The following GPC6 variants were observed in gnomAD, a reference collection of about 807,000 sequenced individuals.
GPC6 encodes the protein glypican 6.
GPC6 carries 14 observed loss-of-function variants against 55.2 expected under a neutral mutation model. That is an observed-to-expected ratio of 0.25 (90% CI 0.17 to 0.40). GPC6 has a LOEUF of 0.40. Among genes scored for constraint, GPC6 ranks in the 10% least tolerant of loss-of-function variants. The pLI is 1.00. For synonymous variants in GPC6, 278 were observed against 259.6 expected, an observed-to-expected ratio of 1.07 and a Z score of -0.68; for missense variants, 641 against 708.5, an observed-to-expected ratio of 0.90 and a Z score of 1.08.
intron 2 of GPC6, among the ~76,000 whole-genome samples, chr13:93,806,044 A>G (rs1886533418): frequency 6.6e-6 from 1 of 152,284 alleles, no homozygotes; most frequent in African/African-American, 2.4e-5. Flanking sequence ...TCTTTGTAGA[A>G]ACCTGTAAAG....
chr13:93,769,433 C>A (rs74108662), intron 2 of GPC6, among the ~76,000 whole-genome samples: 134 of 133,520 alleles, frequency 1.0e-3, no homozygotes, highest in Middle Eastern at 3.9e-3. Flanking sequence ...CTGCACGTGA[C>A]AAAAAAAAAA....
intron 4 of GPC6, among the ~76,000 whole-genome samples, chr13:94,151,206 T>G (rs1216672055): frequency 1.3e-5 from 2 of 151,904 alleles, no homozygotes. Flanking sequence ...TAGAATACCT[T>G]TGTGAAAATG....
chr13:94,253,587 T>C (rs1334199819), intron 4 of GPC6, among the ~76,000 whole-genome samples: 1 of 152,130 alleles, frequency 6.6e-6, no homozygotes, highest in Non-Finnish European at 1.5e-5. Flanking sequence ...GCTTCCCTGT[T>C]CCCAAGATGA....
intron 4 of GPC6, among the ~76,000 whole-genome samples, chr13:94,277,502 GC>G (rs1213801538): frequency 1.1e-4 from 17 of 152,136 alleles, no homozygotes. Flanking sequence ...TGAAGTCTTT[GC>G]CCATCCCTAT....
chr13:93,860,438 T>C (rs374467086), intron 3 of GPC6, among the ~76,000 whole-genome samples: 1 of 151,686 alleles, frequency 6.6e-6, no homozygotes, highest in African/African-American at 2.4e-5. Context: ...CATTTTCATC[T>C]TTTCTTTGAA....
chr13:93,852,108 A>G (rs1888424376), intron 3 of GPC6, among the ~76,000 whole-genome samples: 1 of 151,772 alleles, frequency 6.6e-6, no homozygotes, highest in African/African-American at 2.4e-5. Flanking sequence ...AATATTCTGT[A>G]TTATAAACAT....
chr13:93,435,701 T>C (rs1189647793), intron 1 of GPC6, among the ~76,000 whole-genome samples: 1 of 152,128 alleles, frequency 6.6e-6, no homozygotes, highest in Admixed American at 6.5e-5. Flanking sequence ...AGAGTCTTCT[T>C]AGTTCCAACT....
intron 2 of GPC6, among the ~76,000 whole-genome samples, chr13:93,712,957 C>T (rs1883123897): frequency 6.6e-6 from 1 of 151,248 alleles, no homozygotes; most frequent in Admixed American, 6.6e-5. Context: ...AGGCAACATA[C>T]AGAATGTATT....
At chr13:93,872,091 C>A (rs1835541142) in intron 3 of GPC6, among the ~76,000 whole-genome samples, 2 of 151,900 alleles carry the variant, frequency 1.3e-5, no homozygotes, top group South Asian at 4.1e-4. Flanking sequence ...TTTTTCAAAT[C>A]TCTGACATTA....
chr13:94,264,968 C>T (rs578008705), intron 4 of GPC6, among the ~76,000 whole-genome samples: 38 of 152,186 alleles, frequency 2.5e-4, no homozygotes, highest in African/African-American at 8.7e-4. Context: ...ATCACAAGAA[C>T]GGTATGGGGG....
chr13:94,131,084 T>A (rs1354957061), intron 4 of GPC6, among the ~76,000 whole-genome samples: 1 of 152,056 alleles, frequency 6.6e-6, no homozygotes, highest in East Asian at 1.9e-4. Flanking sequence ...CTACACAGAT[T>A]TTCAAGGCAA....
intron 6 of GPC6, among the ~76,000 whole-genome samples, chr13:94,349,602 T>G (rs772464697): frequency 2.0e-5 from 3 of 152,216 alleles, no homozygotes; most frequent in Non-Finnish European, 2.9e-5. Flanking sequence ...ATTTCTACTG[T>G]GTCTGAGCAA....
At chr13:93,418,711 A>G (rs1182638945) in intron 1 of GPC6, among the ~76,000 whole-genome samples, 1 of 151,560 alleles carries the variant, frequency 6.6e-6, no homozygotes, top group Non-Finnish European at 1.5e-5. Flanking sequence ...TCATTTTGTT[A>G]ATAGCACTAT....
chr13:94,323,394 G>C (rs1876942734), intron 6 of GPC6, among the ~76,000 whole-genome samples: 1 of 152,292 alleles, frequency 6.6e-6, no homozygotes, highest in East Asian at 1.9e-4. Context: ...GCCATTGTCT[G>C]TACTCAGCCT....
At chr13:93,356,565 C>T (rs550587703) in intron 1 of GPC6, among the ~76,000 whole-genome samples, 95 of 152,252 alleles carry the variant, frequency 6.2e-4, no homozygotes, top group African/African-American at 2.3e-3. Flanking sequence ...AAAAAGCATT[C>T]GCAAGCACAA....
intron 1 of GPC6, among the ~76,000 whole-genome samples, chr13:93,418,215 G>A (rs1236065473): frequency 2.6e-5 from 4 of 151,608 alleles, no homozygotes; most frequent in African/African-American, 7.3e-5. Flanking sequence ...GGCATATAAT[G>A]CATAATAATC....
chr13:94,142,043 A>C (rs1044111795), intron 4 of GPC6, among the ~76,000 whole-genome samples: 4 of 151,808 alleles, frequency 2.6e-5, no homozygotes, highest in Admixed American at 2.6e-4. Flanking sequence ...AATCTTATTG[A>C]ATATCCTATT....
intron 2 of GPC6, among the ~76,000 whole-genome samples, chr13:93,622,668 A>G (rs1341124955): frequency 1.3e-5 from 2 of 152,176 alleles, no homozygotes; most frequent in Non-Finnish European, 2.9e-5. Flanking sequence ...ATGGAGTACA[A>G]TCTAATGTTT....
rs140689534 is a variant in GPC6, at chr13:94,002,400, C to T, written c.712-25329C>T. On this transcript the variant is annotated intron_variant, in intron 3 of 8. Transcript: ENST00000377047. ...TATTTAGCTATTTTTTCTATGCCTACTGATCATGCAGCTGGGAGAAAGAAC... is the reference window on the plus strand; with the variant it reads ...TATTTAGCTATTTTTTCTATGCCTATTGATCATGCAGCTGGGAGAAAGAAC... Among the ~76,000 whole-genome samples, 376 of 152,262 alleles carry T rather than the reference C, an allele frequency of 2.5e-3. 1 individual carries two copies. Among genetic ancestry groups the T allele is most frequent in the African/African-American group, 8.7e-3 (363 of 41,554 alleles).
Sources: gnomAD v4.1 joint callset for allele counts (sites outside exome capture counted in the v4.1 genomes callset) on GRCh38, gnomAD v4.1.1 for gene constraint, MANE v1.5 for transcripts, NCBI Gene and HGNC (gene_info 2026-07-23, HGNC 2026-07-21) for gene names.